Variants in STK11 observed in about 807,000 individuals in gnomAD.
The protein encoded by STK11 is serine/threonine-protein kinase STK11.
A neutral mutation model predicts 47.3 loss-of-function variants in STK11; 8 were observed. That is an observed-to-expected ratio of 0.17 (90% confidence interval 0.10 to 0.31). STK11 has a LOEUF of 0.31. STK11 is among the 10% of genes least tolerant of loss of function. The pLI is 1.00. For missense variants in STK11, 475 were observed against 605.0 expected, an observed-to-expected ratio of 0.79 and a Z score of 2.25; for synonymous variants, 330 against 255.8, an observed-to-expected ratio of 1.29 and a Z score of -2.77.
chr19:1,222,393 C>T (rs1011029331), intron 7 of STK11, among the ~76,000 whole-genome samples: 11 of 152,304 alleles, frequency 7.2e-5, no homozygotes, highest in Admixed American at 1.3e-4. Flanking sequence ...ACAGGGAAGA[C>T]AGAGCAGCGG....
chr19:1,206,795 G>C lies in STK11; in HGVS notation c.-119G>C. The stretch of plus-strand genomic sequence containing the variant: ...TTCCCTTCCTTTTGGGGTTTTTGTT[G>C]CCTTTTTTTTTTCTTTTTTCTTTGT... On this transcript the variant is annotated 5_prime_UTR_variant, in exon 1 of 10. Transcript: ENST00000326873. 1 of 1,282,424 alleles carries C rather than the reference G, an allele frequency of 7.8e-7. No homozygotes were observed. Among genetic ancestry groups the C allele is most frequent in the Non-Finnish European group, 1.0e-6 (1 of 956,282 alleles). The allele number at this position is 1,282,424 out of a possible 1,614,324, so 79.4% of individuals were successfully genotyped here.
chr19:1,220,046 C>T, intron 3 of STK11: 1 of 313,072 alleles, frequency 3.2e-6, no homozygotes, highest in South Asian at 4.9e-5. Flanking sequence ...AGTCAGGGCC[C>T]CTTGCTGCTG....
chr19:1,211,471 G>T (rs76343722), intron 1 of STK11, among the ~76,000 whole-genome samples: 1 of 138,080 alleles, frequency 7.2e-6, no homozygotes, highest in Non-Finnish European at 1.6e-5. Flanking sequence ...GGGGGGGGGG[G>T]TGCAGGCAGA....
rs1188122155 is a variant in STK11 at position 1,206,002 on chromosome 19, G to T, written c.-912G>T. The T allele has an allele frequency of 1.4e-5, 2 of 146,634 alleles. No individual in the cohort carries two copies. The highest frequency in any genetic ancestry group is 3.0e-5 in the Non-Finnish European group (2 of 65,972). The allele number at this position is 146,634 out of a possible 1,614,324, so 9.1% of individuals were successfully genotyped here. On this transcript the variant is annotated 5_prime_UTR_variant, in exon 1 of 10. Coordinates refer to ENST00000326873, the MANE Select transcript of STK11 (RefSeq NM_000455.5). ...GCCCGGCACCTTCGGGAACCCCCCG[G>T]CCCGGAGCCTGCGGCCTGCGCCGCC...
intron 1 of STK11, among the ~76,000 whole-genome samples, chr19:1,209,929 C>G (rs911573527): frequency 3.3e-5 from 5 of 152,196 alleles, no homozygotes; most frequent in Admixed American, 2.0e-4. Context: ...CTACCCACAG[C>G]TTGACCCCAC....
rs587781178 is a variant in STK11, at chr19:1,221,968, G to C, written c.882G>C (p.Pro294=). The C allele has an allele frequency of 6.4e-7, 1 of 1,565,346 alleles. No homozygotes were observed. Residue 294 remains proline (P), a synonymous_variant, in exon 7 of 10, where the codon CCG becomes CCC. Coordinates refer to ENST00000326873, the MANE Select transcript of STK11 (RefSeq NM_000455.5). The part of the protein sequence containing the change: ...DLLKGMLEYE[P]AKRFSIRQIR... Reference sequence around the variant, plus strand: ...CCTCAGGGATGCTTGAGTACGAACCGGCCAAGAGGTTCTCCATCCGGCAGA... The same window carrying C: ...CCTCAGGGATGCTTGAGTACGAACCCGCCAAGAGGTTCTCCATCCGGCAGA...
At chr19:1,224,026 C>G (rs2145432740) in intron 8 of STK11, 7 of 1,005,400 alleles carry the variant, frequency 7.0e-6, no homozygotes, top group Non-Finnish European at 8.3e-6. Context: ...ACAGGGTCCA[C>G]CCCCGGGCCC....
rs878853982 is a variant in STK11, at chr19:1,223,179, C to T, written c.1108+7C>T. Reference sequence around the variant, plus strand: ...CAGGACTTCACGGTGCCCGGTGAGTCTGGCGGGGGCCCCTGCCCGGCTCTG... The same window carrying T: ...CAGGACTTCACGGTGCCCGGTGAGTTTGGCGGGGGCCCCTGCCCGGCTCTG... On this transcript the variant is annotated splice_region_variant and intron_variant, in intron 8 of 9. Transcript: ENST00000326873. The T allele has an allele frequency of 6.2e-7, 1 of 1,607,436 alleles. No individual in the cohort carries two copies. Among genetic ancestry groups the T allele is most frequent in the Non-Finnish European group, 8.5e-7 (1 of 1,178,082 alleles).
intron 8 of STK11, chr19:1,224,494 GCCAGGCAAATC>G (rs1489864032): frequency 2.0e-6 from 2 of 985,468 alleles, no homozygotes; most frequent in Non-Finnish European, 2.4e-6. Flanking sequence ...GAGACGGGCA[GCCAGGCAAATC>G]CCAGGCAGGA....
At chr19:1,225,740 G>A in intron 8 of STK11, 1 of 985,622 alleles carries the variant, frequency 1.0e-6, no homozygotes, top group Non-Finnish European at 1.2e-6. Flanking sequence ...GCCCGGGAGG[G>A]GCCTCGGGGA....
intron 7 of STK11, among the ~76,000 whole-genome samples, chr19:1,222,291 A>G (rs907753866): frequency 1.3e-5 from 2 of 152,198 alleles, no homozygotes; most frequent in Non-Finnish European, 2.9e-5. Context: ...GCTGGTCCCA[A>G]ACACTGGCGA....
Position 1,205,824 on chromosome 19 carries a change from C to A in STK11, c.-1090C>A. 2 of 206,302 alleles carry A rather than the reference C, an allele frequency of 9.7e-6. No individual in the cohort carries two copies. The highest frequency in any genetic ancestry group is 9.9e-6 in the Non-Finnish European group (1 of 100,712). 12.8% of individuals were successfully genotyped at this position (206,302 alleles called of 1,614,324 possible). ...GCGTGTCGGGCGCGGAAGGGGGAGGCGGCCCGGGGCGCCCGCGAGTGAGGC... is the reference window on the plus strand; with the variant it reads ...GCGTGTCGGGCGCGGAAGGGGGAGGAGGCCCGGGGCGCCCGCGAGTGAGGC... On this transcript the variant is annotated 5_prime_UTR_variant, in exon 1 of 10. Coordinates refer to ENST00000326873, the MANE Select transcript of STK11 (RefSeq NM_000455.5).
chr19:1,218,814 TGTG>T (rs888885351), intron 2 of STK11, among the ~76,000 whole-genome samples: 3 of 152,182 alleles, frequency 2.0e-5, no homozygotes, highest in African/African-American at 2.4e-5. Context: ...GGCTGACCGT[TGTG>T]GGCCATTTTG....
At chr19:1,227,300 C>T (rs1428832079) in intron 9 of STK11, 1 of 181,952 alleles carries the variant, frequency 5.5e-6, no homozygotes, top group Non-Finnish European at 1.2e-5. Flanking sequence ...CCTGCCTTGC[C>T]ACAGCCCCTC....
At chr19:1,222,820 C>A (rs2080794431) in intron 7 of STK11, among the ~76,000 whole-genome samples, 165 bp from the exon 8 acceptor site, 1 of 152,168 alleles carries the variant, frequency 6.6e-6, no homozygotes, top group Admixed American at 6.5e-5. Flanking sequence ...CCTGCCTGCT[C>A]CTAGAGGACA....
rs2145425360 is a variant in STK11 at position 1,220,669 on chromosome 19, A to G, written c.686A>G (p.Asp229Gly). ...FQPPEIANGLDTFSGFKVDIW... is the reference protein window; with the variant it reads ...FQPPEIANGLGTFSGFKVDIW... ...CCGCCCGAGATTGCCAACGGCCTGG[A>G]CACCTTCTCCGGCTTCAAGGTGGAC... The change falls in exon 5 of 10, where the codon GAC (aspartate) becomes GGC (glycine). Residue 229 changes from aspartate (D) to glycine (G), a missense_variant. This residue lies in a region of STK11 where 130 missense variants were observed against 239.7 expected (regional missense o/e 0.54). Coordinates refer to ENST00000326873, the MANE Select transcript of STK11 (RefSeq NM_000455.5). 1 of 1,610,906 alleles carries G rather than the reference A, an allele frequency of 6.2e-7. No individual in the cohort carries two copies.
chr19:1,225,473 G>A (rs1054004714), intron 8 of STK11: 92 of 880,044 alleles, frequency 1.0e-4, no homozygotes, highest in Non-Finnish European at 1.2e-4. Flanking sequence ...GTTTCACCAT[G>A]TTGGTCAGGC....
intron 7 of STK11, 139 bp from the exon 8 acceptor site, chr19:1,222,845 TG>T: frequency 1.0e-6 from 1 of 955,202 alleles, no homozygotes; most frequent in Non-Finnish European, 1.5e-6. Flanking sequence ...TGAGCTTCTG[TG>T]GTCACAGCCA....
chr19:1,220,237 C>G (rs1459291545), intron 3 of STK11, 136 bp from the exon 4 acceptor site: 24 of 1,222,672 alleles, frequency 2.0e-5, no homozygotes, highest in Non-Finnish European at 2.6e-5. Context: ...AGCCTTTCCT[C>G]TGTCCTGTGT....
Sources: gnomAD v4.1 joint callset for allele counts (sites outside exome capture counted in the v4.1 genomes callset) on GRCh38, gnomAD v4.1.1 for gene constraint, gnomAD v4.1.1 regional missense constraint, MANE v1.5 for transcripts, NCBI Gene and HGNC (gene_info 2026-07-23, HGNC 2026-07-21) for gene names.